The following INVS variants were observed in gnomAD, a reference collection of about 807,000 sequenced individuals.
INVS encodes the protein inversin, also known as inversion of embryo turning homolog.
A neutral mutation model predicts 108.8 loss-of-function variants in INVS; 86 were observed. The ratio of observed to expected loss-of-function variants is 0.79; its 90% confidence interval spans 0.66 to 0.95. The LOEUF (loss-of-function observed/expected upper bound fraction) is 0.95. Among genes scored for constraint, INVS ranks in the 40% least tolerant of loss-of-function variants. The pLI, the probability that INVS is intolerant of heterozygous loss-of-function variation, is 0.00. For missense variants in INVS, 1,169 were observed against 1,297.4 expected (o/e 0.90, Z 1.52); for synonymous variants, 455 against 473.5 (o/e 0.96, Z 0.51).
chr9:100,229,942 T>A, intron 5 of INVS, 115 bp downstream of exon 5: 1 of 978,416 alleles, frequency 1.0e-6, no homozygotes, highest in South Asian at 1.4e-5. Context: ...AGCAAAAGAA[T>A]ACAACAGACA....
At chr9:100,248,298 A>C (rs942376172) in intron 8 of INVS, among the ~76,000 whole-genome samples, 2 of 152,064 alleles carry the variant, frequency 1.3e-5, no homozygotes, top group African/African-American at 2.4e-5. Flanking sequence ...GGATACTTGC[A>C]CTCTTTGACC....
chr9:100,204,645 C>G (rs1285414033), intron 3 of INVS, among the ~76,000 whole-genome samples: 3 of 151,936 alleles, frequency 2.0e-5, no homozygotes, highest in South Asian at 2.1e-4. Context: ...GTGCTAATCC[C>G]AAGGTGATCA....
At position 100,292,806 on chromosome 9, in the gene INVS, A is replaced by G. The variant is rs1205380342; in HGVS notation, c.2549A>G (p.Gln850Arg). The change falls in exon 14 of 17, where the codon CAG becomes CGG. Residue 850 changes from glutamine to arginine, a missense_variant. By Grantham distance (43) the Gln-to-Arg change is conservative. Transcript: ENST00000262457. ...LTGGLYSHLP[Q>R]STEELRSGAR... is the part of the protein sequence containing the mutation. ...GGAGGGCTCTATTCACATTTGCCAC[A>G]GAGCACAGAGGAGTTGAGGTCAGGA... 1.9e-6 allele frequency: 3 copies of G among 1,614,192 alleles called. No individual in the cohort carries two copies. Among genetic ancestry groups the G allele is most frequent in the Non-Finnish European group, 2.5e-6 (3 of 1,180,038 alleles).
chr9:100,294,652 T>C (rs1272740966), intron 14 of INVS, among the ~76,000 whole-genome samples: 2 of 152,154 alleles, frequency 1.3e-5, no homozygotes, highest in African/African-American at 4.8e-5. Flanking sequence ...GCCTTTCCCT[T>C]ACATTATTAG....
intron 13 of INVS, among the ~76,000 whole-genome samples, chr9:100,291,018 T>G (rs1833596116): frequency 6.6e-6 from 1 of 152,064 alleles, no homozygotes; most frequent in Non-Finnish European, 1.5e-5. Flanking sequence ...TATTTTAAAG[T>G]CTGTTTCTGA....
intron 13 of INVS, among the ~76,000 whole-genome samples, chr9:100,285,049 A>G (rs1296952813): frequency 6.6e-6 from 1 of 152,162 alleles, no homozygotes; most frequent in Admixed American, 6.5e-5. Context: ...CTGATGCTCT[A>G]AGATTCTTGT....
chr9:100,150,563 C>T (rs778983799), intron 3 of INVS, among the ~76,000 whole-genome samples: 1 of 152,052 alleles, frequency 6.6e-6, no homozygotes, highest in South Asian at 2.1e-4. Context: ...TTCATTTAAC[C>T]GTTTAAAAAT....
In INVS at chr9:100,292,671, C is replaced by T. The variant is rs750979976; in HGVS notation, c.2414C>T (p.Pro805Leu). ...TQELRGGRCS[P>L]AGSSRPGSAR... ...GAGCTCAGAGGAGGAAGGTGCTCTC[C>T]GGCTGGTTCTAGCCGCCCTGGCAGT... The change falls in exon 14 of 17, where the codon CCG becomes CTG. Residue 805 changes from proline (P) to leucine (L), a missense_variant. Around this residue, in one of 3 missense-constraint regions of INVS, gnomAD observed 533 missense variants for 536.0 expected, o/e 0.99. Coordinates refer to ENST00000262457, the MANE Select transcript of INVS (RefSeq NM_014425.5). 14 of 1,614,132 alleles carry T rather than the reference C, an allele frequency of 8.7e-6. No homozygotes were observed. The highest frequency in any genetic ancestry group is 2.2e-5 in the East Asian group (1 of 44,868).
chr9:100,142,191 A>C (rs1828454233), intron 3 of INVS, among the ~76,000 whole-genome samples: 2 of 152,182 alleles, frequency 1.3e-5, no homozygotes, highest in African/African-American at 4.8e-5. Flanking sequence ...TTAATGATAG[A>C]GGACCCTTGT....
At chr9:100,100,673 TAC>T (rs1296548258) in intron 1 of INVS, among the ~76,000 whole-genome samples, 16 of 19,340 alleles carry the variant, frequency 8.3e-4, no homozygotes, top group African/African-American at 3.6e-3. Flanking sequence ...ATTATATATG[TAC>T]ATATAATATA....
chr9:100,126,375 C>A lies in INVS; in HGVS notation c.107-8C>A. 6.2e-7 allele frequency: 1 copy of A among 1,603,770 alleles called. No homozygotes were observed. The highest frequency in any genetic ancestry group is 8.5e-7 in the Non-Finnish European group (1 of 1,170,670). ...TCAAATATCACTATCTGTTTCTTAT[C>A]CTTATAGGAAACTCTGCTCTTAAAG... On this transcript the variant is annotated splice_polypyrimidine_tract_variant and splice_region_variant and intron_variant, in intron 2 of 16. Coordinates refer to ENST00000262457, the MANE Select transcript of INVS (RefSeq NM_014425.5).
chr9:100,239,076 G>A (rs1831783153), intron 5 of INVS, among the ~76,000 whole-genome samples: 1 of 152,220 alleles, frequency 6.6e-6, no homozygotes, highest in South Asian at 2.1e-4. Flanking sequence ...CATTTGGAGA[G>A]TGATGTGACA....
At chr9:100,249,242 AT>A (rs1564175416) in intron 8 of INVS, among the ~76,000 whole-genome samples, 4 of 152,126 alleles carry the variant, frequency 2.6e-5, no homozygotes, top group Non-Finnish European at 5.9e-5. Context: ...TCAGCTAAGT[AT>A]TTCAGGTACC....
chr9:100,141,636 C>T (rs1828431886), intron 3 of INVS, among the ~76,000 whole-genome samples: 1 of 152,128 alleles, frequency 6.6e-6, no homozygotes, highest in African/African-American at 2.4e-5. Flanking sequence ...AGTTTTCTGA[C>T]TCGGGGCACG....
At chr9:100,265,022 A>T in intron 11 of INVS, 94 bp downstream of exon 11, 21 of 782,086 alleles carry the variant, frequency 2.7e-5, no homozygotes, top group Admixed American at 1.4e-4. Context: ...GGCTCACTGC[A>T]ACCTTCGCCT....
chr9:100,129,622 C>A, intron 3 of INVS: 1 of 621,232 alleles, frequency 1.6e-6, no homozygotes, highest in Non-Finnish European at 3.0e-6. Flanking sequence ...AACTAATTTG[C>A]CTGTCAAAAA....
At chr9:100,117,231 C>A in intron 2 of INVS, 1 of 878,462 alleles carries the variant, frequency 1.1e-6, no homozygotes, top group Non-Finnish European at 1.8e-6. Flanking sequence ...CCGACGTGGC[C>A]GTTGTAGTCC....
chr9:100,252,543 A>G, intron 9 of INVS, 105 bp downstream of exon 9: 1 of 1,047,926 alleles, frequency 9.5e-7, no homozygotes, highest in Non-Finnish European at 1.4e-6. Flanking sequence ...GCACAAGTAC[A>G]AGGATGAAGG....
rs781064013 is a variant in INVS at position 100,292,977 on chromosome 9, G to A, written c.2720G>A (p.Arg907Gln). 6.9e-5 allele frequency: 111 copies of A among 1,613,546 alleles called. No individual in the cohort carries two copies. The highest frequency in any genetic ancestry group is 3.1e-4 in the East Asian group (14 of 44,874). The stretch of plus-strand genomic sequence containing the variant: ...CGACTGCAGATAATTCAGAGAGAAC[G>A]AAGGAGGAAGGAGCTGTTTCGCAAA... ...ELRLQIIQRE[R>Q]RRKELFRKKN... Residue 907 changes from arginine to glutamine, a missense_variant, in exon 14 of 17, where the codon CGA becomes CAA. Around this residue, in one of 3 missense-constraint regions of INVS, gnomAD observed 533 missense variants for 536.0 expected, o/e 0.99. Coordinates refer to ENST00000262457, the MANE Select transcript of INVS (RefSeq NM_014425.5).
Sources: allele counts gnomAD v4.1 joint callset (sites outside exome capture counted in the v4.1 genomes callset), GRCh38; gene constraint gnomAD v4.1.1; regional missense constraint gnomAD v4.1.1; transcripts MANE v1.5; gene names NCBI Gene and HGNC (gene_info 2026-07-23, HGNC 2026-07-21).